CNTN1: variants seen among roughly 807,000 people sequenced by gnomAD.
CNTN1 encodes the protein contactin-1.
CNTN1 carries 38 observed loss-of-function variants against 126.4 expected under a neutral mutation model. The ratio of observed to expected loss-of-function variants is 0.30; its 90% confidence interval spans 0.23 to 0.39. The LOEUF (loss-of-function observed/expected upper bound fraction) is 0.39, where lower values mean the gene tolerates loss of function less well. Among genes scored for constraint, CNTN1 ranks in the 10% least tolerant of loss-of-function variants. The pLI is 1.00. For synonymous variants in CNTN1, 413 were observed against 422.6 expected (o/e 0.98, Z 0.28); for missense variants, 1,009 against 1,248.4 (o/e 0.81, Z 2.89).
chr12:40,748,712 T>C (rs1444787650), intron 1 of CNTN1, among the ~76,000 whole-genome samples: 2 of 152,046 alleles, frequency 1.3e-5, no homozygotes, highest in Non-Finnish European at 2.9e-5. Flanking sequence ...GTTCCTAAAG[T>C]CTTTTGTATT....
Position 40,786,085 on chromosome 12 carries a change from T to C in CNTN1, c.-77+93493T>C, listed in dbSNP as rs564820214. On this transcript the variant is annotated intron_variant, in intron 1 of 23. Transcript: ENST00000551295. Reference sequence around the variant, plus strand: ...ATAGTTCTGTAGGTCAGACGTCCAGTATGGACATTACCAGACTAAAATCGA... The same window carrying C: ...ATAGTTCTGTAGGTCAGACGTCCAGCATGGACATTACCAGACTAAAATCGA... Among the ~76,000 whole-genome samples, 36 of 152,296 alleles carry C rather than the reference T, an allele frequency of 2.4e-4. No homozygotes were observed. The East Asian group carries it at 2.9e-3, about 12-fold the overall frequency.
chr12:40,740,079 T>C (rs1349573535), intron 1 of CNTN1, among the ~76,000 whole-genome samples: 1 of 152,020 alleles, frequency 6.6e-6, no homozygotes, highest in African/African-American at 2.4e-5. Context: ...CTCATAAGGG[T>C]AAATAAATTC....
At chr12:40,957,796 A>C (rs892161168) in intron 14 of CNTN1, among the ~76,000 whole-genome samples, 2 of 151,980 alleles carry the variant, frequency 1.3e-5, no homozygotes, top group Admixed American at 1.3e-4. Flanking sequence ...GCCACTGATC[A>C]GTTCTTTATA....
chr12:40,865,029 A>G (rs1943250921), intron 1 of CNTN1, among the ~76,000 whole-genome samples: 1 of 152,158 alleles, frequency 6.6e-6, no homozygotes, highest in African/African-American at 2.4e-5. Flanking sequence ...TAAAGCCATC[A>G]TAGTGGGTGT....
chr12:41,000,366 A>G (rs1948325889), intron 17 of CNTN1, among the ~76,000 whole-genome samples: 1 of 152,176 alleles, frequency 6.6e-6, no homozygotes, highest in African/African-American at 2.4e-5. Context: ...ATTATAGGAC[A>G]ACTTACTTTT....
At chr12:41,037,794 G>A (rs1355486174) in intron 23 of CNTN1, among the ~76,000 whole-genome samples, 1 of 152,062 alleles carries the variant, frequency 6.6e-6, no homozygotes, top group African/African-American at 2.4e-5. Flanking sequence ...AGAGGCTTCT[G>A]GGGTAGTGCC....
intron 12 of CNTN1, among the ~76,000 whole-genome samples, chr12:40,943,029 A>G (rs1946310595): frequency 6.6e-6 from 1 of 152,114 alleles, no homozygotes; most frequent in Non-Finnish European, 1.5e-5. Flanking sequence ...TCTATACAAT[A>G]AAACTTAGTG....
chr12:40,975,076 A>G (rs1363902424), intron 15 of CNTN1, among the ~76,000 whole-genome samples: 1 of 151,274 alleles, frequency 6.6e-6, no homozygotes, highest in Non-Finnish European at 1.5e-5. Flanking sequence ...GTGTTATACC[A>G]GAAAACCCTG....
At chr12:40,921,822 A>C (rs1316169250) in intron 4 of CNTN1, among the ~76,000 whole-genome samples, 1 of 152,184 alleles carries the variant, frequency 6.6e-6, no homozygotes, top group Non-Finnish European at 1.5e-5. Flanking sequence ...TTATTGAAAA[A>C]TTACTTTGAA....
intron 21 of CNTN1, among the ~76,000 whole-genome samples, chr12:41,027,632 A>G (rs1949061383): frequency 1.3e-5 from 2 of 152,312 alleles, no homozygotes; most frequent in African/African-American, 2.4e-5. Context: ...GAGCATGATG[A>G]GAAGAGAATA....
chr12:40,988,306 G>A (rs982405807), intron 16 of CNTN1, among the ~76,000 whole-genome samples: 2 of 152,094 alleles, frequency 1.3e-5, no homozygotes. Flanking sequence ...AAATATTTGG[G>A]TTTTAGATTG....
chr12:40,941,113 G>T (rs560508297), intron 12 of CNTN1, among the ~76,000 whole-genome samples: 31 of 152,160 alleles, frequency 2.0e-4, no homozygotes, highest in Non-Finnish European at 3.8e-4. Flanking sequence ...AAAAAAAGAA[G>T]AGAAAGATCT....
At chr12:40,935,115 C>T (rs1241961098) in intron 9 of CNTN1, among the ~76,000 whole-genome samples, 1 of 151,980 alleles carries the variant, frequency 6.6e-6, no homozygotes, top group East Asian at 1.9e-4. Flanking sequence ...ACACTCTGTA[C>T]CCTGAATGCT....
intron 1 of CNTN1, among the ~76,000 whole-genome samples, chr12:40,803,626 T>C (rs1212951668): frequency 6.6e-6 from 1 of 152,006 alleles, no homozygotes; most frequent in Non-Finnish European, 1.5e-5. Flanking sequence ...CCCCCTTGTA[T>C]GTAATTTGGC....
At chr12:40,884,213 C>A (rs1943958744) in intron 1 of CNTN1, among the ~76,000 whole-genome samples, 1 of 151,368 alleles carries the variant, frequency 6.6e-6, no homozygotes, top group Admixed American at 6.6e-5. Flanking sequence ...ATTTTATGTT[C>A]TTTTAATTAC....
chr12:40,893,244 A>C (rs1413564179), intron 1 of CNTN1, among the ~76,000 whole-genome samples: 1 of 152,064 alleles, frequency 6.6e-6, no homozygotes, highest in Admixed American at 6.5e-5. Context: ...AATCACTTAA[A>C]ATGTCAATGA....
At chr12:40,939,251 G>A in intron 11 of CNTN1, 84 bp from the exon 12 acceptor site, 1 of 1,422,978 alleles carries the variant, frequency 7.0e-7, no homozygotes, top group Middle Eastern at 1.8e-4. Flanking sequence ...AACTATTAAG[G>A]AGAATAAAAG....
chr12:40,841,953 A>C (rs1252734803), intron 1 of CNTN1, among the ~76,000 whole-genome samples: 2 of 152,086 alleles, frequency 1.3e-5, no homozygotes, highest in Non-Finnish European at 1.5e-5. Context: ...CATTATAAAC[A>C]TGTAATAAAA....
In CNTN1 at chr12:40,736,372, ATATAAG is replaced by A. The variant is rs1019110362; in HGVS notation, c.-77+43787_-77+43792del. On this transcript the variant is annotated intron_variant, in intron 1 of 23. Coordinates refer to ENST00000551295, the MANE Select transcript of CNTN1 (RefSeq NM_001843.4). ...CAAAAGTAATGCATAGATCTTAATAATATAAGTATAAGATATGGTTTAAGAAGCTCT... is the reference window on the plus strand; with the variant it reads ...CAAAAGTAATGCATAGATCTTAATAATATAAGATATGGTTTAAGAAGCTCT... Among the ~76,000 whole-genome samples the A allele has an allele frequency of 6.4e-4, 97 of 152,246 alleles. 1 individual carries two copies. Among genetic ancestry groups the A allele is most frequent in the African/African-American group, 2.2e-3 (91 of 41,574 alleles).
Sources: allele counts gnomAD v4.1 joint callset (sites outside exome capture counted in the v4.1 genomes callset), GRCh38; gene constraint gnomAD v4.1.1; transcripts MANE v1.5; gene names NCBI Gene and HGNC (gene_info 2026-07-23, HGNC 2026-07-21).